PPARGC1A: variants seen among roughly 807,000 people sequenced by gnomAD.
PPARGC1A encodes the protein peroxisome proliferator-activated receptor gamma coactivator 1-alpha.
PPARGC1A carries 25 observed loss-of-function variants against 88.7 expected under a neutral mutation model. The ratio of observed to expected loss-of-function variants is 0.28; its 90% CI spans 0.21 to 0.39. The LOEUF (loss-of-function observed/expected upper bound fraction) is 0.39, where lower values mean the gene tolerates loss of function less well. Ranked by LOEUF, PPARGC1A falls within the 10% of genes least tolerant of loss-of-function variation. PPARGC1A has a pLI of 1.00. For missense variants in PPARGC1A, 880 were observed against 968.7 expected (o/e 0.91, Z 1.22); for synonymous variants, 363 against 355.6 (o/e 1.02, Z -0.24).
chr4:24,403,427 C>T, the PPARGC1A span, among the ~76,000 whole-genome samples: 1 of 152,240 alleles, frequency 6.6e-6, no homozygotes, highest in Non-Finnish European at 1.5e-5. Context: ...TGCGTACTCG[C>T]AGCCACCTTC....
chr4:23,817,360 T>C (rs1279465998), intron 7 of PPARGC1A, among the ~76,000 whole-genome samples: 2 of 152,112 alleles, frequency 1.3e-5, no homozygotes, highest in Non-Finnish European at 2.9e-5. Flanking sequence ...TTTACCTCTG[T>C]CACACATTAG....
the PPARGC1A span, among the ~76,000 whole-genome samples, chr4:24,383,613 A>G: frequency 1.3e-5 from 2 of 152,208 alleles, no homozygotes; most frequent in Admixed American, 1.3e-4. Context: ...AATCAGGCAG[A>G]AGAAAGGATA....
chr4:24,060,947 A>T, the PPARGC1A span, among the ~76,000 whole-genome samples: 1 of 152,296 alleles, frequency 6.6e-6, no homozygotes, highest in Non-Finnish European at 1.5e-5. Context: ...TGAGAACATA[A>T]AGGCACCCAC....
At chr4:24,468,772 ATT>A in the PPARGC1A span, among the ~76,000 whole-genome samples, 1 of 149,070 alleles carries the variant, frequency 6.7e-6, no homozygotes, top group African/African-American at 2.5e-5. Flanking sequence ...CATCTTCATT[ATT>A]TTTTTTTTAC....
chr4:24,456,883 A>G, the PPARGC1A span, among the ~76,000 whole-genome samples: 12 of 152,198 alleles, frequency 7.9e-5, 1 homozygote, highest in East Asian at 2.3e-3. Context: ...CTGGCAAAGT[A>G]TGGTGGGGAT....
chr4:24,403,924 A>C, the PPARGC1A span, among the ~76,000 whole-genome samples: 1 of 152,314 alleles, frequency 6.6e-6, no homozygotes, highest in Admixed American at 6.5e-5. Context: ...CAAATGCAAA[A>C]GTGAAGGCTA....
chr4:23,920,706 T>A, the PPARGC1A span, among the ~76,000 whole-genome samples: 1 of 152,224 alleles, frequency 6.6e-6, no homozygotes, highest in Non-Finnish European at 1.5e-5. Flanking sequence ...CACCCTCCCC[T>A]AAACTCAGAA....
At chr4:24,250,085 G>A in the PPARGC1A span, among the ~76,000 whole-genome samples, 1 of 152,194 alleles carries the variant, frequency 6.6e-6, no homozygotes, top group African/African-American at 2.4e-5. Context: ...GTGGAAATGG[G>A]CAGGACTAGA....
chr4:23,950,112 C>G, the PPARGC1A span, among the ~76,000 whole-genome samples: 2 of 152,224 alleles, frequency 1.3e-5, no homozygotes, highest in East Asian at 3.9e-4. Flanking sequence ...GGCAAATTGA[C>G]TCATCATTAG....
the PPARGC1A span, among the ~76,000 whole-genome samples, chr4:24,234,470 G>A: frequency 6.6e-6 from 1 of 151,190 alleles, no homozygotes; most frequent in Non-Finnish European, 1.5e-5. Flanking sequence ...ATGATACACT[G>A]GCATTACAGG....
At chr4:24,124,762 G>A in the PPARGC1A span, among the ~76,000 whole-genome samples, 1 of 152,112 alleles carries the variant, frequency 6.6e-6, no homozygotes, top group African/African-American at 2.4e-5. Flanking sequence ...TAGGCAGACT[G>A]TCCACTGTGG....
intron 3 of PPARGC1A, 156 bp from the exon 4 acceptor site, chr4:23,829,741 G>A (rs1457110761): frequency 3.2e-6 from 2 of 621,640 alleles, no homozygotes; most frequent in East Asian, 3.5e-5. Context: ...TAGTGCTACA[G>A]GAAATATGAT....
chr4:23,980,435 T>C, the PPARGC1A span, among the ~76,000 whole-genome samples: 27 of 152,188 alleles, frequency 1.8e-4, no homozygotes, highest in African/African-American at 6.0e-4. Flanking sequence ...TTTTCTTGCT[T>C]AACACTATTC....
At chr4:24,392,021 T>C in the PPARGC1A span, among the ~76,000 whole-genome samples, 563 of 152,302 alleles carry the variant, frequency 3.7e-3, 6 homozygotes, top group African/African-American at 0.013. Flanking sequence ...ATTATTTCAA[T>C]TCACTTTGCC....
the PPARGC1A span, among the ~76,000 whole-genome samples, chr4:24,130,623 T>C: frequency 0.03 from 4,526 of 152,128 alleles, 89 homozygotes; most frequent in Middle Eastern, 0.051. Flanking sequence ...CCATAAACTG[T>C]CCTCCTAGAA....
intron 10 of PPARGC1A, among the ~76,000 whole-genome samples, chr4:23,803,997 C>T (rs1719268221): frequency 6.6e-6 from 1 of 152,164 alleles, no homozygotes; most frequent in Admixed American, 6.5e-5. Context: ...AATTTGCAGA[C>T]CCTTTATCTT....
the PPARGC1A span, among the ~76,000 whole-genome samples, chr4:23,920,807 T>A: frequency 6.6e-6 from 1 of 152,200 alleles, no homozygotes; most frequent in Non-Finnish European, 1.5e-5. Context: ...CTGAAATGAC[T>A]GAAGCCAGGA....
the PPARGC1A span, among the ~76,000 whole-genome samples, chr4:24,044,459 G>A: frequency 1.3e-5 from 2 of 152,102 alleles, no homozygotes. Flanking sequence ...CGGATTCACA[G>A]AAGCCTCTGT....
the PPARGC1A span, among the ~76,000 whole-genome samples, chr4:24,366,310 T>G: frequency 2.0e-5 from 3 of 152,226 alleles, no homozygotes; most frequent in Non-Finnish European, 4.4e-5. Context: ...AAAGAAGTCA[T>G]GTCATGTTTA....
Sources: allele counts gnomAD v4.1 joint callset (sites outside exome capture counted in the v4.1 genomes callset), GRCh38; gene constraint gnomAD v4.1.1; transcripts MANE v1.5; gene names NCBI Gene and HGNC (gene_info 2026-07-23, HGNC 2026-07-21).